The following VRK2 variants were observed in gnomAD, a reference collection of about 807,000 sequenced individuals.
The protein encoded by VRK2 is VRK serine/threonine kinase 2.
Under a neutral mutation model 57.6 loss-of-function variants are expected in VRK2, and 60 were observed. That is an observed-to-expected ratio of 1.04 (90% confidence interval 0.85 to 1.29). The LOEUF is 1.29. Among genes scored for constraint, VRK2 ranks in the 50% most tolerant of loss-of-function variants. The pLI, the probability that VRK2 is intolerant of heterozygous loss-of-function variation, is 0.00. For synonymous variants in VRK2, 231 were observed against 199.2 expected (o/e 1.16, Z -1.35); for missense variants, 705 against 588.1 (o/e 1.20, Z -2.06).
rs1325541609 is a variant in VRK2, at chr2:58,154,791, A to AT, written c.1183-4552dup. ...CTTAGGCTATTGATTTGAACCCACT[A>AT]TTTTTTCTAATGTAAGTATTCCATG... On this transcript the variant is annotated intron_variant, in intron 12 of 12. Coordinates refer to ENST00000340157, the MANE Select transcript of VRK2 (RefSeq NM_006296.7). 5 of 717,086 alleles carry AT rather than the reference A, an allele frequency of 7.0e-6. No individual in the cohort carries two copies. In the African/African-American group the frequency reaches 8.7e-5, roughly 13 times the overall value. 44.4% of individuals were successfully genotyped at this position (717,086 alleles called of 1,614,324 possible).
At chr2:57,914,715 T>G (rs1247962386) in intron 1 of VRK2, among the ~76,000 whole-genome samples, 2 of 152,168 alleles carry the variant, frequency 1.3e-5, no homozygotes, top group Non-Finnish European at 2.9e-5. Context: ...TTTGTGGTTG[T>G]GTCCCTCTGA....
rs775326656 is a variant in VRK2 at position 58,089,628 on chromosome 2, CA to C, written c.451-2del. The C allele has an allele frequency of 3.9e-6, 6 of 1,556,522 alleles. No homozygotes were observed. The Admixed American group carries it at 9.5e-5, about 25-fold the overall frequency. ...ACCTTATTTTATCTATTTATTTTCACAGTTGGATGTACTGGAATATATACAT... is the reference window on the plus strand; with the variant it reads ...ACCTTATTTTATCTATTTATTTTCACGTTGGATGTACTGGAATATATACAT... On this transcript the variant is annotated splice_acceptor_variant, in intron 6 of 12. Coordinates refer to ENST00000340157, the MANE Select transcript of VRK2 (RefSeq NM_006296.7). LOFTEE classifies it high-confidence loss of function.
At chr2:57,991,176 A>G (rs1672755353) in intron 1 of VRK2, among the ~76,000 whole-genome samples, 1 of 152,186 alleles carries the variant, frequency 6.6e-6, no homozygotes, top group Admixed American at 6.5e-5. Flanking sequence ...CTCTGAGTGT[A>G]CCAAATTTTG....
chr2:57,940,512 T>C (rs1359574767), intron 1 of VRK2, among the ~76,000 whole-genome samples: 3 of 152,152 alleles, frequency 2.0e-5, no homozygotes, highest in African/African-American at 7.2e-5. Flanking sequence ...ATCTGGGCAC[T>C]GCATGGCCCA....
At chr2:57,965,548 G>C (rs1572913819) in intron 1 of VRK2, among the ~76,000 whole-genome samples, 1 of 152,032 alleles carries the variant, frequency 6.6e-6, no homozygotes, top group Admixed American at 6.5e-5. Context: ...GCAGTCTTTT[G>C]ATTATGAATT....
chr2:57,941,867 C>T (rs72808454), intron 1 of VRK2, among the ~76,000 whole-genome samples: 6,013 of 152,256 alleles, frequency 0.039, 177 homozygotes, highest in Non-Finnish European at 0.055. Context: ...TTATAAGAAA[C>T]CTGTTTAATG....
At chr2:57,960,443 G>A (rs1238805248) in intron 1 of VRK2, among the ~76,000 whole-genome samples, 1 of 152,130 alleles carries the variant, frequency 6.6e-6, no homozygotes, top group African/African-American at 2.4e-5. Flanking sequence ...AAGTTAGTGG[G>A]GCTTGAGAAA....
intron 8 of VRK2, among the ~76,000 whole-genome samples, chr2:58,128,356 G>T (rs1363313484): frequency 6.6e-6 from 1 of 151,952 alleles, no homozygotes; most frequent in Non-Finnish European, 1.5e-5. Context: ...TTCTGAGATG[G>T]AGTCTCGCTC....
chr2:57,931,293 T>C (rs1015053008), intron 1 of VRK2, among the ~76,000 whole-genome samples: 2 of 152,182 alleles, frequency 1.3e-5, no homozygotes, highest in Non-Finnish European at 2.9e-5. Flanking sequence ...CATCCTTGGC[T>C]GTTATCTTCT....
intron 1 of VRK2, among the ~76,000 whole-genome samples, chr2:57,943,027 A>T (rs955920897): frequency 1.3e-5 from 2 of 152,216 alleles, no homozygotes; most frequent in Non-Finnish European, 2.9e-5. Flanking sequence ...TTATATAGGC[A>T]TTATAAGCAA....
chr2:58,098,587 A>G lies in VRK2; in HGVS notation c.543+8864A>G, dbSNP rs189575022. 2.0e-4 allele frequency among the ~76,000 whole-genome samples: 30 copies of G among 151,992 alleles called. No individual in the cohort carries two copies. In the East Asian group the frequency reaches 3.3e-3, roughly 17 times the overall value. On this transcript the variant is annotated intron_variant, in intron 7 of 12. Coordinates refer to ENST00000340157, the MANE Select transcript of VRK2 (RefSeq NM_006296.7). ...TACAGTTGTCTGCAGTATTTACTAT[A>G]GTAACATGCTGTATAGGTTTGTAGC...
intron 2 of VRK2, among the ~76,000 whole-genome samples, chr2:58,060,837 C>G (rs1330007310): frequency 4.0e-5 from 6 of 151,860 alleles, no homozygotes; most frequent in Non-Finnish European, 5.9e-5. Flanking sequence ...ACTTCATACA[C>G]TTTGAAAATA....
intron 7 of VRK2, among the ~76,000 whole-genome samples, chr2:58,106,935 T>G (rs1435864498): frequency 6.6e-6 from 1 of 152,066 alleles, no homozygotes; most frequent in Non-Finnish European, 1.5e-5. Context: ...GGTTTTATTA[T>G]TGGCAAACAA....
At chr2:58,028,837 T>A (rs2103690364) in intron 2 of VRK2, among the ~76,000 whole-genome samples, 1 of 146,612 alleles carries the variant, frequency 6.8e-6, no homozygotes, top group South Asian at 2.2e-4. Context: ...TATACATATG[T>A]AACAAACCTG....
At chr2:58,112,522 C>A (rs2104419253) in intron 7 of VRK2, among the ~76,000 whole-genome samples, 1 of 151,532 alleles carries the variant, frequency 6.6e-6, no homozygotes, top group East Asian at 1.9e-4. Flanking sequence ...TAGAAAACTT[C>A]TCTTCCACGC....
At chr2:57,919,402 A>C (rs1441147082) in intron 1 of VRK2, among the ~76,000 whole-genome samples, 1 of 152,076 alleles carries the variant, frequency 6.6e-6, no homozygotes, top group African/African-American at 2.4e-5. Context: ...ATACTTTATA[A>C]AAGTGACTTT....
intron 3 of VRK2, among the ~76,000 whole-genome samples, chr2:58,035,271 G>C (rs1674239101): frequency 6.6e-6 from 1 of 151,910 alleles, no homozygotes; most frequent in East Asian, 1.9e-4. Flanking sequence ...ATTTCAATGG[G>C]AATTTGGGAG....
At position 57,994,009 on chromosome 2, in the gene VRK2, C is replaced by G. The variant is rs563719911; in HGVS notation, c.-438-31656C>G. The stretch of plus-strand genomic sequence containing the variant: ...ACATAAATTACTGAAAACAGCCTTT[C>G]AAGTCTTATAGAAAAAGATGAAGCA... On this transcript the variant is annotated intron_variant, in intron 1 of 15. Coordinates refer to the VRK2 transcript ENST00000417641. 8.0e-4 allele frequency among the ~76,000 whole-genome samples: 122 copies of G among 152,318 alleles called. 1 individual carries two copies. The highest frequency in any genetic ancestry group is 2.8e-3 in the African/African-American group (115 of 41,578).
intron 12 of VRK2, among the ~76,000 whole-genome samples, chr2:58,147,660 T>TTA (rs1387564188): frequency 2.0e-5 from 3 of 147,302 alleles, no homozygotes. Flanking sequence ...TTGGTTCTTT[T>TTA]CCCTAGTCAG....
Sources: gnomAD v4.1 joint callset for allele counts (sites outside exome capture counted in the v4.1 genomes callset) on GRCh38, gnomAD v4.1.1 for gene constraint, MANE v1.5 for transcripts, NCBI Gene and HGNC (gene_info 2026-07-23, HGNC 2026-07-21) for gene names.